Variants in RIMS3 observed in about 807,000 individuals in gnomAD.
The protein encoded by RIMS3 is regulating synaptic membrane exocytosis protein 3.
A neutral mutation model predicts 29.2 loss-of-function variants in RIMS3; 15 were observed. The observed-to-expected ratio is 0.51, with a 90% CI of 0.34 to 0.79. RIMS3 has a LOEUF of 0.79. RIMS3 is among the 30% of genes least tolerant of loss of function. The pLI, the probability that RIMS3 is intolerant of heterozygous loss-of-function variation, is 0.01. For missense variants in RIMS3, 342 were observed against 421.4 expected, an observed-to-expected ratio of 0.81 and a Z score of 1.65; for synonymous variants, 161 against 170.1, an observed-to-expected ratio of 0.95 and a Z score of 0.41.
upstream of RIMS3, among the ~76,000 whole-genome samples, chr1:40,670,276 A>G (rs1642474578): frequency 6.6e-6 from 1 of 152,040 alleles, no homozygotes; most frequent in African/African-American, 2.4e-5. Flanking sequence ...ATCACCCCCT[A>G]AATAATTGTA....
At chr1:40,678,109 T>TA in the RIMS3 span, among the ~76,000 whole-genome samples, 82 of 151,788 alleles carry the variant, frequency 5.4e-4, no homozygotes, top group Non-Finnish European at 8.4e-4. Context: ...TCAGTATCTC[T>TA]AAAAAAAAGG....
the RIMS3 span, among the ~76,000 whole-genome samples, chr1:40,686,545 T>C: frequency 2.6e-5 from 4 of 152,030 alleles, no homozygotes; most frequent in Admixed American, 6.5e-5. Flanking sequence ...TAGTCCCACA[T>C]ACTCGGGAGG....
intron 5 of RIMS3, among the ~76,000 whole-genome samples, chr1:40,630,811 AAGC>A (rs1389191997): frequency 6.6e-6 from 1 of 152,104 alleles, no homozygotes; most frequent in African/African-American, 2.4e-5. Context: ...GGGCTGGGAA[AAGC>A]AGGCTCCCCA....
At chr1:40,647,593 C>T (rs1646603750) in intron 2 of RIMS3, 75 bp downstream of exon 2, 1 of 152,128 alleles carries the variant, frequency 6.6e-6, no homozygotes, top group South Asian at 2.1e-4. Flanking sequence ...ACCCTAAGTC[C>T]CCTAACTCTC....
At chr1:40,653,331 G>A (rs1449462371) in intron 1 of RIMS3, among the ~76,000 whole-genome samples, 2 of 152,172 alleles carry the variant, frequency 1.3e-5, no homozygotes, top group African/African-American at 2.4e-5. Context: ...CTGAAGGAGG[G>A]AGAGTCCATG....
At position 40,628,831 on chromosome 1, in the gene RIMS3, T is replaced by C. The variant is rs748249568; in HGVS notation, c.693A>G (p.Gly231=). The part of the protein sequence containing the change: ...LYQQALLFDE[G]PQGKVLQVIV... The stretch of plus-strand genomic sequence containing the variant: ...CCACCTGCAGCACCTTGCCCTGGGG[T>C]CCCTCGTCAAAGAGCAGAGCCTGCT... The change falls in exon 7 of 8, where the codon GGA becomes GGG. Residue 231 remains glycine (G), a synonymous_variant. Coordinates refer to ENST00000372684, the MANE Select transcript of RIMS3 (RefSeq NM_014747.3). 92 of 1,613,956 alleles carry C rather than the reference T, an allele frequency of 5.7e-5. No individual in the cohort carries two copies. The highest frequency in any genetic ancestry group is 7.1e-5 in the Non-Finnish European group (84 of 1,180,024).
At chr1:40,656,084 T>G (rs1416596804) in intron 1 of RIMS3, among the ~76,000 whole-genome samples, 1 of 152,054 alleles carries the variant, frequency 6.6e-6, no homozygotes, top group Non-Finnish European at 1.5e-5. Flanking sequence ...AAATTGACAC[T>G]CTGGCTAGGG....
the RIMS3 span, among the ~76,000 whole-genome samples, chr1:40,676,251 C>T: frequency 3.9e-5 from 6 of 152,272 alleles, no homozygotes; most frequent in East Asian, 7.7e-4. Flanking sequence ...CTCTGAGCCT[C>T]GGTCTGACTA....
At chr1:40,670,444 C>CTCTGAGTT (rs1218105162), upstream of RIMS3, among the ~76,000 whole-genome samples, 1 of 151,494 alleles carries the variant, frequency 6.6e-6, no homozygotes, top group Non-Finnish European at 1.5e-5. Context: ...GAAGTTGCTT[C>CTCTGAGTT]TCTGAGTTTC....
Position 40,636,004 on chromosome 1 carries a change from T to G in RIMS3, c.271A>C (p.Ile91Leu), listed in dbSNP as rs953825673. The change falls in exon 4 of 8, where the codon ATC becomes CTC. Residue 91 changes from isoleucine (I) to leucine (L), a missense_variant. Ile to Leu is a conservative substitution (Grantham distance 5, BLOSUM62 2). Transcript: ENST00000372684. This position sits in a 1 kb window ranked among gnomAD's most constrained non-coding sequence, Gnocchi z 4.2. ...SNIRRSTETG[I>L]AVEMRSRVTR... ...ACCCGGCTCCGCATCTCCACCGCGA[T>G]GCCTGTCTCCGTGCTCCGGCGGATG... The G allele has an allele frequency of 1.2e-6, 2 of 1,609,416 alleles. No homozygotes were observed. Among genetic ancestry groups the G allele is most frequent in the Non-Finnish European group, 1.7e-6 (2 of 1,179,976 alleles).
chr1:40,668,028 G>A (rs965871815), upstream of RIMS3, among the ~76,000 whole-genome samples: 28 of 152,018 alleles, frequency 1.8e-4, no homozygotes, highest in Admixed American at 7.2e-4. Flanking sequence ...CGAGGCAGGC[G>A]GATCACAAGA....
intron 5 of RIMS3, among the ~76,000 whole-genome samples, chr1:40,631,388 C>A (rs959379503): frequency 1.3e-5 from 2 of 152,180 alleles, no homozygotes; most frequent in Non-Finnish European, 1.5e-5. Flanking sequence ...CCAGGGATAC[C>A]AAAATCCTTG....
At chr1:40,667,981 G>A (rs539068295), upstream of RIMS3, among the ~76,000 whole-genome samples, 50 of 152,154 alleles carry the variant, frequency 3.3e-4, no homozygotes, top group Middle Eastern at 3.4e-3. Context: ...GGCCGGGGGC[G>A]GTGGCTCACA....
Position 40,622,385 on chromosome 1 carries a change from A to G in RIMS3, c.*4132T>C, listed in dbSNP as rs949786882. On this transcript the variant is annotated 3_prime_UTR_variant, in exon 8 of 8. Coordinates refer to ENST00000372684, the MANE Select transcript of RIMS3 (RefSeq NM_014747.3). The stretch of plus-strand genomic sequence containing the variant: ...TTTTGCCCCAACCTCTTCTGACGTG[A>G]GTGAAAAGGTTGAGGGAGAAGGCGG... 2 of 152,356 alleles carry G rather than the reference A, an allele frequency of 1.3e-5. No homozygotes were observed. The highest frequency in any genetic ancestry group is 2.9e-5 in the Non-Finnish European group (2 of 68,076). 9.4% of individuals were successfully genotyped at this position (152,356 alleles called of 1,614,324 possible). A position where few individuals can be genotyped will look rare whatever the true frequency, so the allele number is the denominator to read the frequency against.
the RIMS3 span, among the ~76,000 whole-genome samples, chr1:40,675,758 CAA>C: frequency 5.6e-5 from 6 of 107,316 alleles, no homozygotes; most frequent in East Asian, 2.8e-4. Context: ...AACTCCATCT[CAA>C]AAAAAAAAAA....
At position 40,626,649 on chromosome 1, in the gene RIMS3, G is replaced by C. The variant is rs762048131; in HGVS notation, c.795C>G (p.Asp265Glu). The change falls in exon 8 of 8, where the codon GAC (aspartate) becomes GAG (glutamate). Residue 265 changes from aspartate (D) to glutamate (E), a missense_variant. Asp to Glu is a conservative substitution (Grantham distance 45). Transcript: ENST00000372684. Reference sequence around the variant, plus strand: ...ACCAGCCGGTGACCGCGGCGCTGAGGTCCAGCTCGTCCAGCATGATCTGGG... The same window carrying C: ...ACCAGCCGGTGACCGCGGCGCTGAGCTCCAGCTCGTCCAGCATGATCTGGG... Reference protein sequence around the residue: ...GMAQIMLDELDLSAAVTGWYK... With the variant: ...GMAQIMLDELELSAAVTGWYK... 3 of 1,614,198 alleles carry C rather than the reference G, an allele frequency of 1.9e-6. No homozygotes were observed. Among genetic ancestry groups the C allele is most frequent in the Non-Finnish European group, 2.5e-6 (3 of 1,180,034 alleles).
the RIMS3 span, among the ~76,000 whole-genome samples, chr1:40,683,617 T>G: frequency 9.6e-6 from 1 of 104,398 alleles, no homozygotes; most frequent in African/African-American, 4.4e-5. Flanking sequence ...TGGTATTTTG[T>G]TATAGCAGCA....
At chr1:40,682,739 A>ATTTTTTTTTTTTTTTTTTTTTTT in the RIMS3 span, among the ~76,000 whole-genome samples, 1 of 46,528 alleles carries the variant, frequency 2.1e-5, no homozygotes, top group African/African-American at 1.2e-4. Flanking sequence ...CCCTTTGCAG[A>ATTTTTTTTTTTTTTTTTTTTTTT]TCTTTTTTTT....
At chr1:40,629,165 A>G (rs1035804003) in intron 6 of RIMS3, 106 bp downstream of exon 6, 4 of 1,147,826 alleles carry the variant, frequency 3.5e-6, no homozygotes, top group Non-Finnish European at 5.2e-6. Flanking sequence ...CTGTGACTCC[A>G]CTGTAAAGAA....
Sources: allele counts gnomAD v4.1 joint callset (sites outside exome capture counted in the v4.1 genomes callset), GRCh38; gene constraint gnomAD v4.1.1; non-coding constraint Gnocchi (gnomAD v3.1); transcripts MANE v1.5; gene names NCBI Gene and HGNC (gene_info 2026-07-23, HGNC 2026-07-21).